Variants in COL19A1 observed in about 807,000 individuals in gnomAD.
The protein encoded by COL19A1 is collagen type XIX alpha 1 chain, also known as collagen alpha-1(XIX) chain.
A neutral mutation model predicts 190.2 loss-of-function variants in COL19A1; 159 were observed. The ratio of observed to expected loss-of-function variants is 0.84; its 90% CI spans 0.73 to 0.95. The LOEUF is 0.95. COL19A1 is among the 40% of genes least tolerant of loss of function. The pLI is 0.00. For missense variants in COL19A1, 1,418 were observed against 1,431.9 expected (o/e 0.99, Z 0.16); for synonymous variants, 509 against 458.9 (o/e 1.11, Z -1.39).
At chr6:70,008,408 A>G (rs1040965838) in intron 11 of COL19A1, among the ~76,000 whole-genome samples, 1 of 151,986 alleles carries the variant, frequency 6.6e-6, no homozygotes, top group Non-Finnish European at 1.5e-5. Context: ...AATATTATCA[A>G]TGAGTTTAGG....
chr6:69,911,278 C>G (rs904813653), intron 4 of COL19A1, among the ~76,000 whole-genome samples: 1 of 152,142 alleles, frequency 6.6e-6, no homozygotes, highest in Non-Finnish European at 1.5e-5. Context: ...AGAAAATAAA[C>G]ATGGTAGCAG....
chr6:69,937,053 A>C lies in COL19A1; in HGVS notation c.873+143A>C. 6 of 1,165,720 alleles carry C rather than the reference A, an allele frequency of 5.1e-6. No individual in the cohort carries two copies. In the South Asian group the frequency reaches 9.6e-5, roughly 19 times the overall value. The allele number at this position is 1,165,720 out of a possible 1,614,324, so 72.2% of individuals were successfully genotyped here. ...ACCTCAGTTACTGGGGTGGGTTAAG[A>C]AAAAGGCATTGAAGATAGGACTTCC... On this transcript the variant is annotated intron_variant, in intron 8 of 50. Transcript: ENST00000620364.
chr6:70,208,298 G>A lies in COL19A1; in HGVS notation c.*1024G>A, dbSNP rs1425175583. The A allele has an allele frequency of 6.6e-6, 1 of 152,228 alleles. No homozygotes were observed. The highest frequency in any genetic ancestry group is 1.5e-5 in the Non-Finnish European group (1 of 68,046). The allele number at this position is 152,228 out of a possible 1,614,324, so 9.4% of individuals were successfully genotyped here. A position where few individuals can be genotyped will look rare whatever the true frequency, so the allele number is the denominator to read the frequency against. On this transcript the variant is annotated 3_prime_UTR_variant, in exon 51 of 51. Transcript: ENST00000620364. Reference sequence around the variant, plus strand: ...AATGGACTCACTTGTCCTAGAAGATGAATGTGTAGTGTCAGCAAATGCATG... The same window carrying A: ...AATGGACTCACTTGTCCTAGAAGATAAATGTGTAGTGTCAGCAAATGCATG...
intron 11 of COL19A1, among the ~76,000 whole-genome samples, chr6:69,976,678 T>G (rs150400472): frequency 1.8e-4 from 28 of 152,068 alleles, no homozygotes; most frequent in African/African-American, 6.5e-4. Flanking sequence ...AGGTTTAGAG[T>G]AAGAACAAAG....
intron 4 of COL19A1, among the ~76,000 whole-genome samples, chr6:69,915,934 C>CTTTTTT (rs10707834): frequency 9.0e-6 from 1 of 110,940 alleles, no homozygotes. Context: ...CTCATCTCAT[C>CTTTTTT]TTTTTTTTTT....
At chr6:69,978,675 A>G (rs1273901080) in intron 11 of COL19A1, among the ~76,000 whole-genome samples, 1 of 151,626 alleles carries the variant, frequency 6.6e-6, no homozygotes, top group Admixed American at 6.6e-5. Context: ...TTTATCTTAT[A>G]TAATAATAAT....
chr6:69,921,471 C>CATATATTCAT lies in COL19A1; in HGVS notation c.267-6405_267-6396dup, dbSNP rs1214904208. ...ATATATCATATATATCATATATATT[C>CATATATTCAT]ATATATTCATATATATTCATATATA... On this transcript the variant is annotated intron_variant, in intron 4 of 50. Coordinates refer to ENST00000620364, the MANE Select transcript of COL19A1 (RefSeq NM_001858.6). 1.9e-3 allele frequency among the ~76,000 whole-genome samples: 19 copies of CATATATTCAT among 9,828 alleles called. No individual in the cohort carries two copies. In the East Asian group the frequency reaches 0.08, roughly 42 times the overall value. The allele number at this position is 9,828 out of a possible 152,430, so 6.4% of individuals were successfully genotyped here. A position where few individuals can be genotyped will look rare whatever the true frequency, so the allele number is the denominator to read the frequency against.
chr6:70,168,310 T>C (rs1765292584), intron 39 of COL19A1, 95 bp downstream of exon 39: 1 of 1,333,396 alleles, frequency 7.5e-7, no homozygotes, highest in Admixed American at 2.1e-5. Flanking sequence ...GAAAAACGCA[T>C]GTTATGAATA....
At chr6:70,043,210 GAGA>G (rs1209612515) in intron 14 of COL19A1, among the ~76,000 whole-genome samples, 1 of 106,900 alleles carries the variant, frequency 9.4e-6, no homozygotes, top group Non-Finnish European at 1.8e-5. Context: ...TTTTTTTTTT[GAGA>G]AGGAGTCTCG....
intron 40 of COL19A1, among the ~76,000 whole-genome samples, chr6:70,171,562 C>T (rs755535061): frequency 6.6e-6 from 1 of 152,182 alleles, no homozygotes; most frequent in Non-Finnish European, 1.5e-5. Context: ...GCTCCATCTT[C>T]ATCTACTCTT....
At chr6:69,873,614 A>G (rs2487435) in intron 1 of COL19A1, among the ~76,000 whole-genome samples, 18,152 of 152,262 alleles carry the variant, frequency 0.12, 1,232 homozygotes, top group African/African-American at 0.16. Flanking sequence ...ATTATTTTTT[A>G]TGAGTGTTAT....
intron 44 of COL19A1, among the ~76,000 whole-genome samples, chr6:70,183,794 A>G (rs1766330090): frequency 6.6e-6 from 1 of 152,234 alleles, no homozygotes; most frequent in African/African-American, 2.4e-5. Flanking sequence ...CCATTCCAGC[A>G]CAATAAAAGT....
At chr6:70,199,776 C>T (rs752809302) in intron 49 of COL19A1, 40 bp downstream of exon 49, 6 of 1,554,484 alleles carry the variant, frequency 3.9e-6, no homozygotes, top group South Asian at 1.2e-5. Context: ...TGATTTTTAA[C>T]TCTCTGTATT....
At chr6:70,077,391 TGAATTCTTCA>T (rs1336919127) in intron 15 of COL19A1, among the ~76,000 whole-genome samples, 1 of 152,220 alleles carries the variant, frequency 6.6e-6, no homozygotes, top group East Asian at 1.9e-4. Flanking sequence ...GAGTCGCTCT[TGAATTCTTCA>T]GAAATACCTT....
intron 4 of COL19A1, among the ~76,000 whole-genome samples, chr6:69,921,451 T>TCATATATATC (rs1771871909): frequency 9.7e-5 from 2 of 20,576 alleles, no homozygotes; most frequent in African/African-American, 4.6e-4. Context: ...ATATCATATA[T>TCATATATATC]CATATATATC....
intron 11 of COL19A1, among the ~76,000 whole-genome samples, chr6:69,976,919 A>T (rs1251159732): frequency 1.3e-5 from 2 of 152,166 alleles, no homozygotes; most frequent in African/African-American, 4.8e-5. Context: ...CCTGACCAAA[A>T]GCTTGAGGGA....
At chr6:69,968,296 T>G (rs1340061045) in intron 11 of COL19A1, among the ~76,000 whole-genome samples, 1 of 152,192 alleles carries the variant, frequency 6.6e-6, no homozygotes, top group Non-Finnish European at 1.5e-5. Flanking sequence ...CAGCAGTGAA[T>G]TCATTCTTGT....
At chr6:70,192,056 T>C (rs937971144) in intron 48 of COL19A1, among the ~76,000 whole-genome samples, 6 of 152,094 alleles carry the variant, frequency 3.9e-5, no homozygotes, top group African/African-American at 1.4e-4. Context: ...TTTTTGTTGT[T>C]GTTGTTTGGT....
At chr6:69,978,254 T>TAG (rs1170480394) in intron 11 of COL19A1, among the ~76,000 whole-genome samples, 1 of 151,924 alleles carries the variant, frequency 6.6e-6, no homozygotes, top group Non-Finnish European at 1.5e-5. Flanking sequence ...CATACATATA[T>TAG]AGAGAGAGAG....
Sources: allele counts gnomAD v4.1 joint callset (sites outside exome capture counted in the v4.1 genomes callset), GRCh38; gene constraint gnomAD v4.1.1; transcripts MANE v1.5; gene names NCBI Gene and HGNC (gene_info 2026-07-23, HGNC 2026-07-21).